ACOXL: variants seen among roughly 807,000 people sequenced by gnomAD.
The protein encoded by ACOXL is acyl-CoA oxidase like, also known as acyl-coenzyme A oxidase-like protein.
Under a neutral mutation model 71.9 loss-of-function variants are expected in ACOXL, and 70 were observed. The observed-to-expected ratio is 0.97, with a 90% CI of 0.80 to 1.19. The LOEUF (loss-of-function observed/expected upper bound fraction) is 1.19, where lower values mean the gene tolerates loss of function less well. Among genes scored for constraint, ACOXL ranks in the 50% most tolerant of loss-of-function variants. ACOXL has a pLI of 0.00. For synonymous variants in ACOXL, 253 were observed against 281.6 expected (o/e 0.90, Z 1.02); for missense variants, 703 against 736.3 (o/e 0.95, Z 0.52).
intron 1 of ACOXL, among the ~76,000 whole-genome samples, chr2:110,742,984 A>G (rs1185161103): frequency 2.0e-5 from 3 of 152,206 alleles, no homozygotes; most frequent in Non-Finnish European, 2.9e-5. Flanking sequence ...TGTGTTCTCA[A>G]TGTTTTGGAA....
intron 9 of ACOXL, among the ~76,000 whole-genome samples, chr2:110,806,002 C>T (rs1038655717): frequency 6.6e-6 from 1 of 152,214 alleles, no homozygotes; most frequent in Non-Finnish European, 1.5e-5. Context: ...GAAGGAAAAG[C>T]CTGCTTTAAA....
At chr2:110,972,001 A>C (rs2062211317) in intron 12 of ACOXL, among the ~76,000 whole-genome samples, 1 of 152,218 alleles carries the variant, frequency 6.6e-6, no homozygotes, top group Non-Finnish European at 1.5e-5. Context: ...TCTAGCTTGT[A>C]AGCATTATGG....
intron 10 of ACOXL, among the ~76,000 whole-genome samples, chr2:110,843,665 G>A (rs71431125): frequency 0.077 from 11,772 of 152,222 alleles, 631 homozygotes; most frequent in Admixed American, 0.15. Flanking sequence ...TTGTACATGA[G>A]CTTGCCTCTT....
intron 11 of ACOXL, among the ~76,000 whole-genome samples, chr2:110,914,075 G>A (rs1574096812): frequency 6.6e-6 from 1 of 152,100 alleles, no homozygotes; most frequent in Non-Finnish European, 1.5e-5. Context: ...AAATTAGATG[G>A]CAATGGTTGC....
chr2:111,114,807 A>G (rs997006455), intron 17 of ACOXL, among the ~76,000 whole-genome samples: 3 of 151,932 alleles, frequency 2.0e-5, no homozygotes, highest in African/African-American at 7.3e-5. Flanking sequence ...AAAGAGCAGA[A>G]AAATAAATTG....
chr2:110,961,313 A>G (rs2061692485), intron 12 of ACOXL, among the ~76,000 whole-genome samples: 1 of 152,202 alleles, frequency 6.6e-6, no homozygotes, highest in South Asian at 2.1e-4. Context: ...AGAGAAGGGA[A>G]TTATATTGCA....
At chr2:110,923,751 T>C (rs2060166475) in intron 11 of ACOXL, among the ~76,000 whole-genome samples, 1 of 151,978 alleles carries the variant, frequency 6.6e-6, no homozygotes, top group African/African-American at 2.4e-5. Context: ...CTGGCCAACA[T>C]GGTGAAACCC....
intron 16 of ACOXL, among the ~76,000 whole-genome samples, chr2:111,066,525 A>C (rs191433403): frequency 2.0e-3 from 300 of 152,270 alleles, no homozygotes; most frequent in Non-Finnish European, 3.4e-3. Context: ...TTAAGATGTT[A>C]CCATTGGGCG....
chr2:110,803,684 T>G (rs1250436256), intron 8 of ACOXL, among the ~76,000 whole-genome samples: 1 of 152,202 alleles, frequency 6.6e-6, no homozygotes. Flanking sequence ...TCATCGAAGT[T>G]ATAAAAAACT....
chr2:110,842,082 G>A (rs749496038), intron 10 of ACOXL, among the ~76,000 whole-genome samples: 1 of 152,164 alleles, frequency 6.6e-6, no homozygotes, highest in Non-Finnish European at 1.5e-5. Context: ...TCGGGCTTGG[G>A]GATGTCTGCT....
intron 17 of ACOXL, among the ~76,000 whole-genome samples, chr2:111,112,091 A>G (rs967823009): frequency 2.0e-5 from 3 of 152,224 alleles, no homozygotes; most frequent in Non-Finnish European, 2.9e-5. Context: ...TCTCTATTCT[A>G]ACATTTCAGA....
intron 10 of ACOXL, among the ~76,000 whole-genome samples, chr2:110,855,106 A>G (rs774504342): frequency 6.6e-6 from 1 of 152,236 alleles, no homozygotes; most frequent in Non-Finnish European, 1.5e-5. Context: ...AAAACTGCTC[A>G]TATGGAGGAA....
intron 12 of ACOXL, among the ~76,000 whole-genome samples, chr2:110,973,074 T>G (rs1416022908): frequency 6.6e-6 from 1 of 152,248 alleles, no homozygotes; most frequent in African/African-American, 2.4e-5. Flanking sequence ...GCCTTTCATG[T>G]TAACTTTATT....
intron 13 of ACOXL, among the ~76,000 whole-genome samples, chr2:110,992,406 A>G (rs1330007330): frequency 3.3e-5 from 5 of 152,210 alleles, no homozygotes; most frequent in East Asian, 3.8e-4. Context: ...AGCAGTTACT[A>G]GGGGCTCTGT....
intron 16 of ACOXL, among the ~76,000 whole-genome samples, chr2:111,076,181 C>T (rs908892450): frequency 1.3e-5 from 2 of 152,144 alleles, no homozygotes; most frequent in African/African-American, 4.8e-5. Context: ...CTATCTATTA[C>T]TGAAAGAGTA....
intron 12 of ACOXL, among the ~76,000 whole-genome samples, chr2:110,969,859 A>G (rs1249244626): frequency 6.6e-6 from 1 of 152,100 alleles, no homozygotes; most frequent in Non-Finnish European, 1.5e-5. Flanking sequence ...TTACATTGAT[A>G]AATTTGACAA....
intron 7 of ACOXL, 70 bp from the exon 8 acceptor site, chr2:110,801,582 G>A (rs920906585): frequency 1.5e-5 from 21 of 1,384,632 alleles, no homozygotes; most frequent in Admixed American, 1.2e-4. Flanking sequence ...TTTTAGTGGC[G>A]ACAGGCCTGG....
chr2:110,859,464 C>T (rs890012096), intron 10 of ACOXL, among the ~76,000 whole-genome samples: 2 of 152,162 alleles, frequency 1.3e-5, no homozygotes, highest in Non-Finnish European at 2.9e-5. Flanking sequence ...CACAGACAAT[C>T]TATTCATCAG....
At chr2:110,772,990 G>A (rs763429515) in intron 2 of ACOXL, among the ~76,000 whole-genome samples, 1 of 152,102 alleles carries the variant, frequency 6.6e-6, no homozygotes, top group Admixed American at 6.5e-5. Flanking sequence ...TAAAAATTAT[G>A]CAATATGGTA....
Sources: allele counts gnomAD v4.1 joint callset (sites outside exome capture counted in the v4.1 genomes callset), GRCh38; gene constraint gnomAD v4.1.1; transcripts MANE v1.5; gene names NCBI Gene and HGNC (gene_info 2026-07-23, HGNC 2026-07-21).